FGF14: variants seen among roughly 807,000 people sequenced by gnomAD.
FGF14 encodes the protein fibroblast growth factor homologous factor 4.
FGF14 carries 5 observed loss-of-function variants against 25.5 expected under a neutral mutation model. The ratio of observed to expected loss-of-function variants is 0.20; its 90% CI spans 0.10 to 0.41. The LOEUF is 0.41. FGF14 is among the 10% of genes least tolerant of loss of function. FGF14 has a pLI of 1.00. For synonymous variants in FGF14, 138 were observed against 118.3 expected (o/e 1.17, Z -1.08); for missense variants, 222 against 320.1 (o/e 0.69, Z 2.34).
intron 1 of FGF14, among the ~76,000 whole-genome samples, chr13:101,899,379 T>G (rs910540183): frequency 4.6e-5 from 7 of 151,882 alleles, no homozygotes; most frequent in African/African-American, 1.7e-4. Context: ...CTATAATTAA[T>G]ATATTTAAGA....
At chr13:101,808,527 T>G (rs1001480995) in intron 3 of FGF14, among the ~76,000 whole-genome samples, 1 of 152,158 alleles carries the variant, frequency 6.6e-6, no homozygotes, top group Non-Finnish European at 1.5e-5. Context: ...TAAGAAATAC[T>G]GTCTTCACCT....
chr13:101,893,524 T>C (rs1226286284), intron 1 of FGF14, among the ~76,000 whole-genome samples: 1 of 151,946 alleles, frequency 6.6e-6, no homozygotes, highest in Non-Finnish European at 1.5e-5. Flanking sequence ...GACTGTGGCA[T>C]GGTGAGATTA....
chr13:101,903,557 T>C (rs897860904), intron 1 of FGF14, among the ~76,000 whole-genome samples: 2 of 152,142 alleles, frequency 1.3e-5, no homozygotes, highest in African/African-American at 4.8e-5. Flanking sequence ...TTTTCCTGTC[T>C]CTATATTCAA....
intron 1 of FGF14, among the ~76,000 whole-genome samples, chr13:102,263,955 G>A (rs2052850766): frequency 6.6e-6 from 1 of 151,632 alleles, no homozygotes; most frequent in South Asian, 2.1e-4. Context: ...ACCAAGTGAG[G>A]GGTGAAGGCT....
intron 1 of FGF14, among the ~76,000 whole-genome samples, chr13:101,945,525 T>C (rs1324802075): frequency 6.6e-6 from 1 of 152,222 alleles, no homozygotes; most frequent in Admixed American, 6.5e-5. Flanking sequence ...GCAGGGATGC[T>C]GGTGGACCGT....
chr13:102,169,331 G>T (rs1164411868), intron 1 of FGF14, among the ~76,000 whole-genome samples: 1 of 151,858 alleles, frequency 6.6e-6, no homozygotes, highest in Non-Finnish European at 1.5e-5. Flanking sequence ...CTAACACCTG[G>T]TTATCCCCCG....
chr13:102,328,706 GT>G (rs1234198013), intron 1 of FGF14, among the ~76,000 whole-genome samples: 1 of 152,206 alleles, frequency 6.6e-6, no homozygotes, highest in Non-Finnish European at 1.5e-5. Context: ...GAGTTCCTTA[GT>G]ATAAATATCT....
rs141215615 is a variant in FGF14, at chr13:102,080,046, G to C, written c.209-204750C>G. Among the ~76,000 whole-genome samples, 94 of 152,250 alleles carry C rather than the reference G, an allele frequency of 6.2e-4. 1 individual carries two copies. In the East Asian group the frequency reaches 0.016, roughly 27 times the overall value. Reference sequence around the variant, plus strand: ...CATTCATGACGCACCGGGCAAGGATGGGGTGGGAGGGAAGAAGATCATACA... The same window carrying C: ...CATTCATGACGCACCGGGCAAGGATCGGGTGGGAGGGAAGAAGATCATACA... On this transcript the variant is annotated intron_variant, in intron 1 of 4. Coordinates refer to the FGF14 transcript ENST00000376131.
At chr13:102,398,548 T>G (rs2058632366) in intron 1 of FGF14, among the ~76,000 whole-genome samples, 1 of 152,188 alleles carries the variant, frequency 6.6e-6, no homozygotes, top group South Asian at 2.1e-4. Flanking sequence ...TTTCTTAGTT[T>G]GAAACCAGTT....
Position 101,717,204 on chromosome 13 carries a change from GTTAC to G in FGF14, c.*5623_*5626del, listed in dbSNP as rs1027338190. On this transcript the variant is annotated 3_prime_UTR_variant, in exon 5 of 5. Transcript: ENST00000376143. ...AATAAGGAAAATATGCATCCACTGAGTTACTTAAAAATTTAATATTGAAAATTAT... is the reference window on the plus strand; with the variant it reads ...AATAAGGAAAATATGCATCCACTGAGTTAAAAATTTAATATTGAAAATTAT... 2.4e-4 allele frequency: 37 copies of G among 151,974 alleles called. No homozygotes were observed. Among genetic ancestry groups the G allele is most frequent in the African/African-American group, 6.3e-4 (26 of 41,382 alleles). 9.4% of individuals were successfully genotyped at this position (151,974 alleles called of 1,614,324 possible).
intron 1 of FGF14, among the ~76,000 whole-genome samples, chr13:101,913,968 G>A (rs998687053): frequency 1.3e-4 from 20 of 152,018 alleles, no homozygotes; most frequent in African/African-American, 4.3e-4. Context: ...TCTATTCACT[G>A]CTGTATGTAT....
chr13:102,352,822 A>G (rs1036664525), intron 1 of FGF14, among the ~76,000 whole-genome samples: 2 of 151,878 alleles, frequency 1.3e-5, no homozygotes, highest in Non-Finnish European at 2.9e-5. Flanking sequence ...AAAAAAAAAA[A>G]AAAAAAAAGA....
At chr13:101,767,499 C>T (rs1040141399) in intron 3 of FGF14, among the ~76,000 whole-genome samples, 1 of 152,188 alleles carries the variant, frequency 6.6e-6, no homozygotes, top group African/African-American at 2.4e-5. Context: ...ACTGACAATG[C>T]AAATCAAATC....
At chr13:101,943,347 G>A (rs2035573664) in intron 1 of FGF14, among the ~76,000 whole-genome samples, 1 of 152,136 alleles carries the variant, frequency 6.6e-6, no homozygotes, top group Admixed American at 6.5e-5. Context: ...CGAAAGACAT[G>A]GATATAAACC....
At chr13:102,061,793 C>A (rs1310436814) in intron 1 of FGF14, among the ~76,000 whole-genome samples, 1 of 152,188 alleles carries the variant, frequency 6.6e-6, no homozygotes, top group Non-Finnish European at 1.5e-5. Flanking sequence ...TGGAACCAAG[C>A]ACTAAGCTGT....
At chr13:102,131,882 G>A (rs72665324) in intron 1 of FGF14, among the ~76,000 whole-genome samples, 14 of 152,226 alleles carry the variant, frequency 9.2e-5, no homozygotes, top group East Asian at 1.9e-4. Context: ...GAGATTCATC[G>A]AAATAGCAGA....
intron 1 of FGF14, among the ~76,000 whole-genome samples, chr13:102,328,288 AT>A (rs1477752740): frequency 6.6e-6 from 1 of 152,206 alleles, no homozygotes; most frequent in Non-Finnish European, 1.5e-5. Context: ...ACCATTAACT[AT>A]GTATAAACCT....
rs1166305167 is a variant in FGF14 at position 101,722,839 on chromosome 13, T to G, written c.736A>C (p.Thr246Pro). The change falls in exon 5 of 5, where the codon ACA becomes CCA. Residue 246 changes from threonine (T) to proline (P), a missense_variant. This residue lies in a region of FGF14 where 66 missense variants were observed against 90.3 expected (regional missense o/e 0.73). Coordinates refer to ENST00000376143, the MANE Select transcript of FGF14 (RefSeq NM_004115.4). ...NGGKPVNKSK[T>P]T ...CACCTGTGAGGATCTGGCTATGTTG[T>G]CTTACTCTTGTTGACTGGTTTGCCT... 6.2e-7 allele frequency: 1 copy of G among 1,613,266 alleles called. No homozygotes were observed. The highest frequency in any genetic ancestry group is 1.7e-5 in the Admixed American group (1 of 59,878).
intron 3 of FGF14, among the ~76,000 whole-genome samples, chr13:101,733,921 G>T (rs1362406774): frequency 6.6e-6 from 1 of 150,864 alleles, no homozygotes; most frequent in Non-Finnish European, 1.5e-5. Flanking sequence ...CAAATAATTT[G>T]ATTTGAATTT....
Sources: allele counts gnomAD v4.1 joint callset (sites outside exome capture counted in the v4.1 genomes callset), GRCh38; gene constraint gnomAD v4.1.1; regional missense constraint gnomAD v4.1.1; transcripts MANE v1.5; gene names NCBI Gene and HGNC (gene_info 2026-07-23, HGNC 2026-07-21).